PROS1: variants seen among roughly 807,000 people sequenced by gnomAD.
The protein encoded by PROS1 is protein S.
Under a neutral mutation model 75.9 loss-of-function variants are expected in PROS1, and 29 were observed. The ratio of observed to expected loss-of-function variants is 0.38; its 90% CI spans 0.28 to 0.52. The LOEUF (loss-of-function observed/expected upper bound fraction) is 0.52, where lower values mean the gene tolerates loss of function less well. PROS1 is among the 20% of genes least tolerant of loss of function. The probability of loss-of-function intolerance (pLI) is 0.83; values close to 1 mark genes in which losing one functional copy is unlikely to be tolerated. For synonymous variants in PROS1, 245 were observed against 280.6 expected, an observed-to-expected ratio of 0.87 and a Z score of 1.27; for missense variants, 680 against 810.3, an observed-to-expected ratio of 0.84 and a Z score of 1.95.
At chr3:93,876,043 G>A (rs1316532633) in intron 14 of PROS1, among the ~76,000 whole-genome samples, 1 of 152,084 alleles carries the variant, frequency 6.6e-6, no homozygotes, top group East Asian at 1.9e-4. Flanking sequence ...ATACCTAAAA[G>A]TCATCCTTAT....
intron 11 of PROS1, 42 bp from the exon 12 acceptor site, chr3:93,884,938 TA>T (rs1372951093): frequency 6.5e-7 from 1 of 1,542,176 alleles, no homozygotes; most frequent in Non-Finnish European, 8.9e-7. Context: ...ATTTTAAACT[TA>T]AACAGTGGCT....
At chr3:93,923,144 T>C (rs1374765628) in intron 3 of PROS1, among the ~76,000 whole-genome samples, 8 of 152,192 alleles carry the variant, frequency 5.3e-5, no homozygotes, top group Non-Finnish European at 1.0e-4. Context: ...TTGGTTTTTT[T>C]TACCATGTTG....
intron 1 of PROS1, among the ~76,000 whole-genome samples, chr3:93,971,405 C>T (rs763169381): frequency 6.8e-6 from 1 of 147,490 alleles, no homozygotes; most frequent in Non-Finnish European, 1.5e-5. Context: ...ATAAATAATT[C>T]TAAATAAAGA....
intron 1 of PROS1, among the ~76,000 whole-genome samples, chr3:93,950,517 C>T (rs1403462041): frequency 2.6e-5 from 4 of 152,132 alleles, no homozygotes; most frequent in South Asian, 2.1e-4. Flanking sequence ...CGACATTTGC[C>T]GTTCTGCAAT....
chr3:93,959,244 G>T (rs1023744922), intron 1 of PROS1, among the ~76,000 whole-genome samples: 18 of 152,268 alleles, frequency 1.2e-4, no homozygotes, highest in South Asian at 1.0e-3. Flanking sequence ...AGCCCAGAAG[G>T]TCGAGGCTGC....
At chr3:93,928,761 C>T (rs976880194) in intron 1 of PROS1, 97 of 1,292,204 alleles carry the variant, frequency 7.5e-5, no homozygotes, top group African/African-American at 1.1e-4. Flanking sequence ...AATGCATGCA[C>T]GGTTGTATAT....
At chr3:93,909,198 G>A (rs1400126024) in intron 4 of PROS1, among the ~76,000 whole-genome samples, 1 of 152,090 alleles carries the variant, frequency 6.6e-6, no homozygotes, top group African/African-American at 2.4e-5. Context: ...AGCACTTTGG[G>A]AGGCCCAGGT....
chr3:93,947,783 T>C (rs1256292529), intron 1 of PROS1, among the ~76,000 whole-genome samples: 1 of 152,024 alleles, frequency 6.6e-6, no homozygotes, highest in Non-Finnish European at 1.5e-5. Flanking sequence ...TAGCCAGGAT[T>C]GTCTCAATCT....
At chr3:93,879,029 A>G (rs1708237033) in intron 13 of PROS1, 134 bp downstream of exon 13, 3 of 911,628 alleles carry the variant, frequency 3.3e-6, no homozygotes, top group Non-Finnish European at 5.0e-6. Flanking sequence ...GATGTGCTGG[A>G]GATTGTGCCA....
intron 7 of PROS1, among the ~76,000 whole-genome samples, chr3:93,899,619 G>A (rs529641746): frequency 1.4e-4 from 22 of 152,210 alleles, no homozygotes; most frequent in African/African-American, 5.1e-4. Flanking sequence ...TGCGGGGGCT[G>A]GCAGGGGAAT....
chr3:93,949,837 T>C (rs1161360635), intron 1 of PROS1, among the ~76,000 whole-genome samples: 1 of 152,068 alleles, frequency 6.6e-6, no homozygotes, highest in Non-Finnish European at 1.5e-5. Context: ...TGGGACTTGT[T>C]GGACAGTGGG....
At chr3:93,900,714 G>C in intron 7 of PROS1, 90 bp downstream of exon 7, 1 of 1,534,648 alleles carries the variant, frequency 6.5e-7, no homozygotes, top group South Asian at 1.1e-5. Context: ...TATGACTGTT[G>C]ATGTCAAACA....
chr3:93,940,724 T>C (rs1381774547), intron 1 of PROS1, among the ~76,000 whole-genome samples: 2 of 152,064 alleles, frequency 1.3e-5, no homozygotes, highest in African/African-American at 4.8e-5. Flanking sequence ...TAAACCCTAA[T>C]CACCATTACC....
At chr3:93,904,581 C>G (rs574700882) in intron 6 of PROS1, among the ~76,000 whole-genome samples, 1 of 151,622 alleles carries the variant, frequency 6.6e-6, no homozygotes. Flanking sequence ...AATAAAGAGT[C>G]GAACAAGAAA....
chr3:93,908,744 C>T (rs559585360), intron 4 of PROS1, among the ~76,000 whole-genome samples: 3 of 152,320 alleles, frequency 2.0e-5, no homozygotes, highest in Admixed American at 1.3e-4. Context: ...TTTAAGCTAA[C>T]GGCTACTCCA....
chr3:93,950,598 C>T (rs1709480635), intron 1 of PROS1, among the ~76,000 whole-genome samples: 1 of 152,160 alleles, frequency 6.6e-6, no homozygotes, highest in South Asian at 2.1e-4. Context: ...CCATCAAAGC[C>T]CAACAGACCT....
chr3:93,885,097 C>T (rs1036628123), intron 11 of PROS1, among the ~76,000 whole-genome samples: 4 of 152,196 alleles, frequency 2.6e-5, no homozygotes, highest in African/African-American at 9.7e-5. Context: ...CATACTATCA[C>T]AAGCCCTCAG....
intron 2 of PROS1, among the ~76,000 whole-genome samples, chr3:93,924,630 C>T (rs1237073270): frequency 6.6e-6 from 1 of 150,916 alleles, no homozygotes; most frequent in East Asian, 1.9e-4. Flanking sequence ...TCACCTACAC[C>T]AGATTCAATG....
At chr3:93,936,215 A>T (rs2107217311) in intron 1 of PROS1, among the ~76,000 whole-genome samples, 1 of 152,106 alleles carries the variant, frequency 6.6e-6, no homozygotes, top group South Asian at 2.1e-4. Context: ...TGACCCCCTA[A>T]GATTAGTGAA....
Sources: gnomAD v4.1 joint callset for allele counts (sites outside exome capture counted in the v4.1 genomes callset) on GRCh38, gnomAD v4.1.1 for gene constraint, MANE v1.5 for transcripts, NCBI Gene and HGNC (gene_info 2026-07-23, HGNC 2026-07-21) for gene names.